Variants in DPP10 observed in about 807,000 individuals in gnomAD.
DPP10 encodes inactive dipeptidyl peptidase 10.
Under a neutral mutation model 120.9 loss-of-function variants are expected in DPP10, and 33 were observed. That is an observed-to-expected ratio of 0.27 (90% confidence interval 0.21 to 0.37). The LOEUF (loss-of-function observed/expected upper bound fraction) is 0.37. Ranked by LOEUF, DPP10 falls within the 10% of genes least tolerant of loss-of-function variation. The probability of loss-of-function intolerance (pLI) is 1.00; values close to 1 mark genes in which losing one functional copy is unlikely to be tolerated. For synonymous variants in DPP10, 337 were observed against 326.1 expected (o/e 1.03, Z -0.36); for missense variants, 816 against 942.8 (o/e 0.87, Z 1.76).
chr2:115,344,579 C>G (rs2063618887), intron 3 of DPP10, among the ~76,000 whole-genome samples: 1 of 151,592 alleles, frequency 6.6e-6, no homozygotes, highest in South Asian at 2.1e-4. Flanking sequence ...TTTTTCTGGC[C>G]TGGCAAATAG....
intron 1 of DPP10, among the ~76,000 whole-genome samples, chr2:115,056,087 A>T (rs1180512251): frequency 6.6e-6 from 1 of 152,216 alleles, no homozygotes; most frequent in Non-Finnish European, 1.5e-5. Context: ...TTCTTCCTGA[A>T]CATCAGCCTC....
chr2:114,573,388 G>C (rs1280065755), intron 1 of DPP10, among the ~76,000 whole-genome samples: 1 of 152,136 alleles, frequency 6.6e-6, no homozygotes, highest in Non-Finnish European at 1.5e-5. Context: ...GCATCTTGGA[G>C]TGTGAACAAA....
chr2:114,520,834 A>G (rs1684986394), intron 1 of DPP10, among the ~76,000 whole-genome samples: 1 of 152,212 alleles, frequency 6.6e-6, no homozygotes, highest in Non-Finnish European at 1.5e-5. Context: ...AAGATGATCC[A>G]AAGGGGATGC....
At position 115,260,314 on chromosome 2, in the gene DPP10, G is replaced by A. The variant is rs909273762; in HGVS notation, c.61-48925G>A. Among the ~76,000 whole-genome samples the A allele has an allele frequency of 2.6e-5, 4 of 151,986 alleles. No individual in the cohort carries two copies. The South Asian group carries it at 6.2e-4, about 24-fold the overall frequency. On this transcript the variant is annotated intron_variant, in intron 1 of 25. Transcript: ENST00000410059. ...GCTAGAAATGGGTTCAAATCATTCC[G>A]TTGGTAATAATTTGAACTTACTTTT...
chr2:114,644,370 G>T (rs1361089595), intron 1 of DPP10, among the ~76,000 whole-genome samples: 1 of 151,578 alleles, frequency 6.6e-6, no homozygotes, highest in Non-Finnish European at 1.5e-5. Context: ...GTGTGTCTGT[G>T]TGTGTGTGTA....
intron 4 of DPP10, among the ~76,000 whole-genome samples, chr2:115,524,966 AAAACAAAC>A (rs147985649): frequency 6.6e-6 from 1 of 151,990 alleles, no homozygotes; most frequent in African/African-American, 2.4e-5. Context: ...GTCCCTATGT[AAAACAAAC>A]AAACAAACAA....
Position 115,165,140 on chromosome 2 carries a change from T to C in DPP10, c.61-144099T>C, listed in dbSNP as rs150493339. 3.6e-3 allele frequency among the ~76,000 whole-genome samples: 542 copies of C among 152,340 alleles called. 2 individuals carry two copies. The highest frequency in any genetic ancestry group is 0.013 in the African/African-American group (526 of 41,566). On this transcript the variant is annotated intron_variant, in intron 1 of 25. Coordinates refer to ENST00000410059, the MANE Select transcript of DPP10 (RefSeq NM_020868.6). ...TGTAATTTATTATTATTTTTAAAAA[T>C]CACTTCCTGAATGCTTGCCACAGGC... is the stretch of plus-strand genomic sequence containing the variant.
At chr2:115,482,771 A>G (rs999418137) in intron 3 of DPP10, among the ~76,000 whole-genome samples, 6 of 152,166 alleles carry the variant, frequency 3.9e-5, no homozygotes, top group East Asian at 3.9e-4. Context: ...CATTTTATCA[A>G]TTAATCAGTT....
chr2:114,728,438 A>G (rs1294196682), intron 1 of DPP10, among the ~76,000 whole-genome samples: 5 of 152,116 alleles, frequency 3.3e-5, no homozygotes, highest in Non-Finnish European at 7.4e-5. Flanking sequence ...GGGTGTTTGT[A>G]AAGGCATGAC....
At chr2:114,560,635 T>A (rs1230173690) in intron 1 of DPP10, among the ~76,000 whole-genome samples, 1 of 152,078 alleles carries the variant, frequency 6.6e-6, no homozygotes, top group Non-Finnish European at 1.5e-5. Flanking sequence ...GTCTGTACTT[T>A]CCAGTCTCAC....
intron 3 of DPP10, among the ~76,000 whole-genome samples, chr2:115,437,155 A>G (rs531492210): frequency 6.6e-6 from 1 of 152,116 alleles, no homozygotes; most frequent in African/African-American, 2.4e-5. Flanking sequence ...TTTCATGGAA[A>G]AGATGTTTGA....
At chr2:115,828,358 T>G (rs923685679) in intron 21 of DPP10, among the ~76,000 whole-genome samples, 1 of 152,150 alleles carries the variant, frequency 6.6e-6, no homozygotes, top group Admixed American at 6.6e-5. Flanking sequence ...TATAGTTTTC[T>G]TCATATGTCT....
In DPP10 at chr2:114,829,388, A is replaced by AT. The variant is rs869157627; in HGVS notation, c.60+386562dup. On this transcript the variant is annotated intron_variant, in intron 1 of 25. Transcript: ENST00000410059. ...GACGTTTTTGTCTTTTTTTTTTTTA[A>AT]TTTTTTTTTTTTGAGACAGAGTGTC... Among the ~76,000 whole-genome samples, 798 of 137,938 alleles carry AT rather than the reference A, an allele frequency of 5.8e-3. 5 individuals carry two copies. The highest frequency in any genetic ancestry group is 9.3e-3 in the Non-Finnish European group (587 of 62,848). The allele number at this position is 137,938 out of a possible 152,430, so 90.5% of individuals were successfully genotyped here. A position where few individuals can be genotyped will look rare whatever the true frequency, so the allele number is the denominator to read the frequency against.
intron 1 of DPP10, among the ~76,000 whole-genome samples, chr2:115,104,903 G>A (rs1044538990): frequency 6.6e-6 from 1 of 152,034 alleles, no homozygotes; most frequent in Admixed American, 6.5e-5. Context: ...CTACTTGGGA[G>A]GCTGAGGCAG....
At chr2:114,937,545 C>T (rs180679179) in intron 1 of DPP10, among the ~76,000 whole-genome samples, 17 of 152,300 alleles carry the variant, frequency 1.1e-4, no homozygotes, top group Admixed American at 7.2e-4. Context: ...TAAGGTTTCA[C>T]GCCCTCTTGA....
At chr2:114,559,505 C>T (rs773514957) in intron 1 of DPP10, among the ~76,000 whole-genome samples, 21 of 152,148 alleles carry the variant, frequency 1.4e-4, no homozygotes, top group Admixed American at 1.2e-3. Context: ...GTAGATAATA[C>T]ATTTGTGGCA....
intron 1 of DPP10, among the ~76,000 whole-genome samples, chr2:115,239,143 G>A (rs2058143924): frequency 1.3e-5 from 2 of 152,152 alleles, no homozygotes; most frequent in Admixed American, 1.3e-4. Context: ...TGACTCAACT[G>A]TTAATCTCCT....
chr2:115,378,318 G>T (rs1420872152), intron 3 of DPP10, among the ~76,000 whole-genome samples: 2 of 142,340 alleles, frequency 1.4e-5, no homozygotes, highest in Admixed American at 1.4e-4. Flanking sequence ...TGAAGCAATT[G>T]TGAATGGGAG....
intron 14 of DPP10, among the ~76,000 whole-genome samples, 164 bp from the exon 15 acceptor site, chr2:115,777,623 G>C (rs1431074663): frequency 6.6e-6 from 1 of 152,072 alleles, no homozygotes; most frequent in Non-Finnish European, 1.5e-5. Flanking sequence ...AACAACTCCT[G>C]TCTGTATTTT....
Sources: allele counts gnomAD v4.1 joint callset (sites outside exome capture counted in the v4.1 genomes callset), GRCh38; gene constraint gnomAD v4.1.1; transcripts MANE v1.5; gene names NCBI Gene and HGNC (gene_info 2026-07-23, HGNC 2026-07-21).